Variants in SIL1 observed in about 807,000 individuals in gnomAD.
SIL1 encodes the protein nucleotide exchange factor SIL1.
In SIL1, 40 loss-of-function variants were observed where a neutral mutation model predicts 49.1. The ratio of observed to expected loss-of-function variants is 0.81; its 90% confidence interval spans 0.63 to 1.06. The LOEUF is 1.06. SIL1 is among the 50% of genes least tolerant of loss of function. The pLI, the probability that SIL1 is intolerant of heterozygous loss-of-function variation, is 0.00. For synonymous variants in SIL1, 253 were observed against 250.8 expected, an observed-to-expected ratio of 1.01 and a Z score of -0.08; for missense variants, 500 against 572.6, an observed-to-expected ratio of 0.87 and a Z score of 1.29.
At chr5:139,018,271 G>A (rs894821818) in intron 7 of SIL1, among the ~76,000 whole-genome samples, 1 of 152,096 alleles carries the variant, frequency 6.6e-6, no homozygotes, top group African/African-American at 2.4e-5. Flanking sequence ...ACCCAAGCAG[G>A]CAAATAAATG....
chr5:138,952,008 G>T (rs1766792151), intron 7 of SIL1, 124 bp from the exon 8 acceptor site: 1 of 879,958 alleles, frequency 1.1e-6, no homozygotes, highest in Non-Finnish European at 1.9e-6. Context: ...CCCACACGGG[G>T]CAAGTCAAAC....
At chr5:139,028,355 G>A (rs10064539) in intron 5 of SIL1, among the ~76,000 whole-genome samples, 62,177 of 151,634 alleles carry the variant, frequency 0.41, 13,358 homozygotes, top group African/African-American at 0.55. Context: ...AAAATTAGCC[G>A]GGCATGGTGG....
intron 7 of SIL1, among the ~76,000 whole-genome samples, chr5:139,019,772 G>A (rs1561831018): frequency 6.6e-6 from 1 of 152,150 alleles, no homozygotes; most frequent in Non-Finnish European, 1.5e-5. Flanking sequence ...GGGACGTATA[G>A]GATAATTTGT....
intron 4 of SIL1, among the ~76,000 whole-genome samples, chr5:139,043,894 T>C (rs1235132473): frequency 1.3e-5 from 2 of 152,184 alleles, no homozygotes. Context: ...GGATTCCATA[T>C]ATCCTGGAAT....
At chr5:139,077,672 G>A (rs1769982264) in intron 3 of SIL1, among the ~76,000 whole-genome samples, 1 of 152,168 alleles carries the variant, frequency 6.6e-6, no homozygotes, top group Non-Finnish European at 1.5e-5. Context: ...ACCTGAAAGG[G>A]CAGAGTAGAG....
chr5:139,143,340 C>CATATATATATATATATATATAT (rs1398396877), intron 1 of SIL1, among the ~76,000 whole-genome samples: 10 of 85,152 alleles, frequency 1.2e-4, no homozygotes, highest in African/African-American at 6.4e-4. Flanking sequence ...CACACACACA[C>CATATATATATATATATATATAT]ACACATATAT....
At chr5:139,066,559 T>G (rs1769710918) in intron 3 of SIL1, among the ~76,000 whole-genome samples, 1 of 152,198 alleles carries the variant, frequency 6.6e-6, no homozygotes, top group Non-Finnish European at 1.5e-5. Context: ...GCTTATTCTT[T>G]TCTAATGACA....
intron 7 of SIL1, among the ~76,000 whole-genome samples, chr5:139,015,543 A>G (rs1262276945): frequency 6.6e-6 from 1 of 152,178 alleles, no homozygotes; most frequent in Non-Finnish European, 1.5e-5. Context: ...ATCATAAATA[A>G]CCCAGTTTCC....
intron 1 of SIL1, among the ~76,000 whole-genome samples, chr5:139,134,961 C>A (rs1055842961): frequency 6.6e-6 from 1 of 152,074 alleles, no homozygotes. Context: ...GGAGAAACAA[C>A]GCAAAGAGGA....
At chr5:139,108,975 C>T (rs894888514) in intron 3 of SIL1, among the ~76,000 whole-genome samples, 2 of 152,148 alleles carry the variant, frequency 1.3e-5, no homozygotes, top group African/African-American at 4.8e-5. Context: ...TATGCATCAG[C>T]AGTGTCAGAT....
At chr5:139,167,063 C>T (rs931854977) in intron 1 of SIL1, among the ~76,000 whole-genome samples, 2 of 152,160 alleles carry the variant, frequency 1.3e-5, no homozygotes, top group Non-Finnish European at 2.9e-5. Context: ...CCACCCGCCT[C>T]AGCCTCCCAA....
chr5:138,996,236 T>C (rs778702549), intron 7 of SIL1, among the ~76,000 whole-genome samples: 1 of 152,220 alleles, frequency 6.6e-6, no homozygotes, highest in Non-Finnish European at 1.5e-5. Context: ...TGGAGTGAGA[T>C]GATATCCCAT....
intron 7 of SIL1, among the ~76,000 whole-genome samples, chr5:138,980,225 C>G (rs950383347): frequency 1.4e-4 from 21 of 152,036 alleles, no homozygotes; most frequent in African/African-American, 5.1e-4. Flanking sequence ...CCTCTTCTAG[C>G]CTTTGCCAAG....
intron 3 of SIL1, among the ~76,000 whole-genome samples, chr5:139,056,909 G>A (rs1218769186): frequency 6.6e-6 from 1 of 152,040 alleles, no homozygotes; most frequent in Non-Finnish European, 1.5e-5. Context: ...TGAGAAATCG[G>A]ATGGTTGCCG....
intron 3 of SIL1, among the ~76,000 whole-genome samples, chr5:139,073,083 G>C (rs1264675359): frequency 6.6e-6 from 1 of 152,206 alleles, no homozygotes; most frequent in African/African-American, 2.4e-5. Context: ...ACAGAAAAGA[G>C]AAGCTTTGTA....
chr5:139,135,540 G>A (rs1208144458), intron 1 of SIL1, among the ~76,000 whole-genome samples: 2 of 152,142 alleles, frequency 1.3e-5, no homozygotes, highest in Non-Finnish European at 2.9e-5. Flanking sequence ...GGCCCAGCTG[G>A]GAATAGGCAC....
intron 2 of SIL1, among the ~76,000 whole-genome samples, 168 bp from the exon 3 acceptor site, chr5:139,121,341 C>T (rs1750632119): frequency 1.3e-5 from 2 of 152,160 alleles, no homozygotes; most frequent in Non-Finnish European, 1.5e-5. Flanking sequence ...AGAACCAGCA[C>T]ATGTGAGGTG....
intron 7 of SIL1, among the ~76,000 whole-genome samples, chr5:138,985,727 C>A (rs1767636109): frequency 6.6e-6 from 1 of 152,212 alleles, no homozygotes; most frequent in South Asian, 2.1e-4. Context: ...GTCCAGACTC[C>A]TGAGTTCAGG....
intron 3 of SIL1, among the ~76,000 whole-genome samples, chr5:139,108,542 G>T (rs77708058): frequency 6.6e-6 from 1 of 152,110 alleles, no homozygotes; most frequent in African/African-American, 2.4e-5. Context: ...GGCTGTGGGA[G>T]GCAGGCTGGG....
Sources: gnomAD v4.1 joint callset for allele counts (sites outside exome capture counted in the v4.1 genomes callset) on GRCh38, gnomAD v4.1.1 for gene constraint, MANE v1.5 for transcripts, NCBI Gene and HGNC (gene_info 2026-07-23, HGNC 2026-07-21) for gene names.